The following SDK1 variants were observed in gnomAD, a reference collection of about 807,000 sequenced individuals.
SDK1 encodes sidekick cell adhesion molecule 1, also known as protein sidekick-1.
A neutral mutation model predicts 245.5 loss-of-function variants in SDK1; 157 were observed. The ratio of observed to expected loss-of-function variants is 0.64; its 90% CI spans 0.56 to 0.73. SDK1 has a LOEUF of 0.73. Among genes scored for constraint, SDK1 ranks in the 30% least tolerant of loss-of-function variants. The pLI is 0.00. For missense variants in SDK1, 3,583 were observed against 3,002.3 expected, an observed-to-expected ratio of 1.19 and a Z score of -4.52; for synonymous variants, 1,647 against 1,278.5, an observed-to-expected ratio of 1.29 and a Z score of -6.15.
intron 5 of SDK1, among the ~76,000 whole-genome samples, chr7:3,937,990 A>G (rs1780219293): frequency 1.3e-5 from 2 of 151,838 alleles, no homozygotes; most frequent in Admixed American, 1.3e-4. Context: ...GGCACCTACC[A>G]CCACGCCCGG....
At chr7:3,528,524 G>T (rs533794760) in intron 1 of SDK1, among the ~76,000 whole-genome samples, 2 of 152,016 alleles carry the variant, frequency 1.3e-5, no homozygotes, top group African/African-American at 2.4e-5. Context: ...CTGTAAGCGT[G>T]TTTGCATTTA....
At chr7:3,825,129 G>C (rs1369772629) in intron 5 of SDK1, among the ~76,000 whole-genome samples, 1 of 152,086 alleles carries the variant, frequency 6.6e-6, no homozygotes, top group Non-Finnish European at 1.5e-5. Flanking sequence ...CACTGCTCAG[G>C]TGCACACCAG....
intron 4 of SDK1, among the ~76,000 whole-genome samples, chr7:3,766,101 A>C (rs1427303799): frequency 6.6e-6 from 1 of 152,134 alleles, no homozygotes; most frequent in Middle Eastern, 3.2e-3. Context: ...GGTTGACCAA[A>C]ATTTTTGGTG....
At chr7:3,321,693 TCTC>T (rs200316806) in intron 1 of SDK1, among the ~76,000 whole-genome samples, 2 of 136,760 alleles carry the variant, frequency 1.5e-5, no homozygotes, top group Admixed American at 7.2e-5. Context: ...CCTTCTTCCT[TCTC>T]CTCCTCCTCC....
chr7:3,720,322 C>T (rs1021232006), intron 4 of SDK1, among the ~76,000 whole-genome samples: 1 of 151,984 alleles, frequency 6.6e-6, no homozygotes, highest in Admixed American at 6.6e-5. Flanking sequence ...TTGTAAACCA[C>T]GTACCTGATG....
chr7:4,194,428 ACGTATATACATATATGTATACATG>A (rs1562416318), intron 35 of SDK1, among the ~76,000 whole-genome samples: 23 of 103,870 alleles, frequency 2.2e-4, no homozygotes, highest in Non-Finnish European at 4.2e-4. Context: ...ATACATGTAT[ACGTATATACATATATGTATACATG>A]TATATATGTG....
intron 1 of SDK1, among the ~76,000 whole-genome samples, chr7:3,327,895 T>C (rs1389560968): frequency 6.6e-6 from 1 of 152,176 alleles, no homozygotes; most frequent in African/African-American, 2.4e-5. Context: ...AGGGTGTGTA[T>C]ACCTATAGTT....
chr7:3,552,386 G>T (rs1779447803), intron 1 of SDK1, among the ~76,000 whole-genome samples: 1 of 152,106 alleles, frequency 6.6e-6, no homozygotes, highest in South Asian at 2.1e-4. Flanking sequence ...TTGAAGTCCT[G>T]TCCCCCAGTA....
intron 1 of SDK1, among the ~76,000 whole-genome samples, chr7:3,536,626 G>A (rs1023734002): frequency 6.6e-6 from 1 of 152,038 alleles, no homozygotes; most frequent in African/African-American, 2.4e-5. Context: ...CGTGGGAGAT[G>A]GAGGTTGCAG....
intron 1 of SDK1, 68 bp downstream of exon 1, chr7:3,301,952 G>A (rs1364931392): frequency 2.9e-6 from 3 of 1,050,168 alleles, no homozygotes; most frequent in Admixed American, 5.5e-5. Flanking sequence ...CTTGAGCAGC[G>A]AGAGTGTGTC....
intron 4 of SDK1, among the ~76,000 whole-genome samples, chr7:3,659,591 C>T (rs541156512): frequency 1.3e-5 from 2 of 152,228 alleles, no homozygotes; most frequent in African/African-American, 2.4e-5. Context: ...TCGGCAGGGA[C>T]TAGATTGTGC....
At chr7:4,035,171 G>C (rs894281641) in intron 17 of SDK1, among the ~76,000 whole-genome samples, 2 of 151,904 alleles carry the variant, frequency 1.3e-5, no homozygotes, top group Admixed American at 6.6e-5. Context: ...CTTTAGTAGA[G>C]ATGGGGTTTC....
At chr7:3,313,761 A>G (rs1324802689) in intron 1 of SDK1, among the ~76,000 whole-genome samples, 2 of 152,208 alleles carry the variant, frequency 1.3e-5, no homozygotes. Context: ...GGTGACTATA[A>G]TTAATGATAA....
At chr7:3,311,721 C>A (rs2128543708) in intron 1 of SDK1, among the ~76,000 whole-genome samples, 1 of 152,256 alleles carries the variant, frequency 6.6e-6, no homozygotes. Context: ...GGAGGACTCC[C>A]TTCACCACCC....
intron 5 of SDK1, among the ~76,000 whole-genome samples, chr7:3,859,783 C>A (rs975384215): frequency 2.0e-5 from 3 of 152,324 alleles, no homozygotes; most frequent in Middle Eastern, 3.4e-3. Context: ...TCACTCACGT[C>A]ACACTTCTCC....
chr7:3,475,398 C>T (rs1489533730), intron 1 of SDK1, among the ~76,000 whole-genome samples: 1 of 152,222 alleles, frequency 6.6e-6, no homozygotes, highest in East Asian at 1.9e-4. Flanking sequence ...TTTGAGCCCC[C>T]TCGGGTGTGG....
intron 1 of SDK1, among the ~76,000 whole-genome samples, chr7:3,316,608 G>GT (rs1779668307): frequency 6.6e-6 from 1 of 152,202 alleles, no homozygotes; most frequent in South Asian, 2.1e-4. Context: ...CAATTGGGTA[G>GT]TGCTTGGATC....
intron 1 of SDK1, among the ~76,000 whole-genome samples, chr7:3,422,214 G>C (rs1779553366): frequency 6.6e-6 from 1 of 151,958 alleles, no homozygotes; most frequent in South Asian, 2.1e-4. Flanking sequence ...TCTATACCCA[G>C]CCAAACTACT....
chr7:3,529,428 G>A (rs1316421420), intron 1 of SDK1, among the ~76,000 whole-genome samples: 1 of 152,314 alleles, frequency 6.6e-6, no homozygotes, highest in South Asian at 2.1e-4. Flanking sequence ...AATGATGGGA[G>A]CCTTTCAAGT....
Sources: allele counts gnomAD v4.1 joint callset (sites outside exome capture counted in the v4.1 genomes callset), GRCh38; gene constraint gnomAD v4.1.1; transcripts MANE v1.5; gene names NCBI Gene and HGNC (gene_info 2026-07-23, HGNC 2026-07-21).